The following ST18 variants were observed in gnomAD, a reference collection of about 807,000 sequenced individuals.
ST18 encodes the protein suppression of tumorigenicity 18 protein.
A neutral mutation model predicts 110.0 loss-of-function variants in ST18; 50 were observed. That is an observed-to-expected ratio of 0.45 (90% CI 0.36 to 0.58). ST18 has a LOEUF of 0.58. Ranked by LOEUF, ST18 falls within the 20% of genes least tolerant of loss-of-function variation. The pLI is 0.00. For missense variants in ST18, 1,306 were observed against 1,280.1 expected (o/e 1.02, Z -0.31); for synonymous variants, 461 against 452.4 (o/e 1.02, Z -0.24).
At position 52,172,444 on chromosome 8, in the gene ST18, A is replaced by T. The variant is rs1300359438; in HGVS notation, c.417T>A (p.Asn139Lys). The change falls in exon 10 of 26, where the codon AAT becomes AAA. Residue 139 changes from asparagine to lysine, a missense_variant. Transcript: ENST00000689386. ...TTTCACTTACAGTCTGAACAGATAC[A>T]TTTTTTTCAAATTTCCCCAAGTGCA... ...SLMHLGKFEK[N>K]VSVQTVSENL... 9 of 1,613,570 alleles carry T rather than the reference A, an allele frequency of 5.6e-6. No homozygotes were observed. The highest frequency in any genetic ancestry group is 7.6e-6 in the Non-Finnish European group (9 of 1,180,014).
chr8:52,183,630 G>C (rs768325754), intron 8 of ST18, among the ~76,000 whole-genome samples: 12 of 152,112 alleles, frequency 7.9e-5, no homozygotes, highest in African/African-American at 2.9e-4. Flanking sequence ...CTATATCACA[G>C]GTTTTGTGGA....
intron 17 of ST18, among the ~76,000 whole-genome samples, chr8:52,139,680 G>C (rs5026058): frequency 0.32 from 47,626 of 149,766 alleles, 11,129 homozygotes; most frequent in African/African-American, 0.67. Flanking sequence ...AAATTACTCC[G>C]ATTAATATTG....
intron 2 of ST18, chr8:52,407,330 T>C (rs1291091104): frequency 2.0e-5 from 3 of 152,200 alleles, no homozygotes; most frequent in African/African-American, 2.4e-5. Context: ...TAAAACAATG[T>C]GATATCATTT....
chr8:52,360,137 C>T (rs1825052340), intron 2 of ST18, among the ~76,000 whole-genome samples: 2 of 152,070 alleles, frequency 1.3e-5, no homozygotes, highest in Admixed American at 1.3e-4. Flanking sequence ...TAACTTGCTA[C>T]TTTGTGCCAA....
intron 22 of ST18, 133 bp from the exon 23 acceptor site, chr8:52,126,273 A>G: frequency 1.2e-6 from 1 of 852,446 alleles, no homozygotes; most frequent in Non-Finnish European, 1.8e-6. Context: ...GTCTCTTTGT[A>G]GAGAGTAATG....
chr8:52,394,564 T>G (rs1840447914), intron 2 of ST18, among the ~76,000 whole-genome samples: 1 of 152,212 alleles, frequency 6.6e-6, no homozygotes, highest in African/African-American at 2.4e-5. Context: ...AAGATTTATT[T>G]TTATCCTAGT....
intron 2 of ST18, among the ~76,000 whole-genome samples, chr8:52,389,581 G>C (rs570458454): frequency 6.6e-6 from 1 of 152,180 alleles, no homozygotes; most frequent in Non-Finnish European, 1.5e-5. Flanking sequence ...CAGCGGGGAG[G>C]AACCTGCCTT....
At chr8:52,358,615 C>G (rs569473492) in intron 2 of ST18, among the ~76,000 whole-genome samples, 1 of 151,884 alleles carries the variant, frequency 6.6e-6, no homozygotes, top group East Asian at 1.9e-4. Context: ...GGAAACATTT[C>G]TAGAAACACA....
intron 2 of ST18, among the ~76,000 whole-genome samples, chr8:52,399,355 T>C (rs1245423476): frequency 6.6e-6 from 1 of 151,932 alleles, no homozygotes; most frequent in Non-Finnish European, 1.5e-5. Flanking sequence ...TAGAGGACTA[T>C]TGATTCTGTT....
At chr8:52,263,036 C>T (rs1355902231) in intron 2 of ST18, among the ~76,000 whole-genome samples, 2 of 152,218 alleles carry the variant, frequency 1.3e-5, no homozygotes. Context: ...AGTTGTGCCT[C>T]AGTGCTTCTG....
At chr8:52,305,738 A>G (rs1230526262) in intron 2 of ST18, among the ~76,000 whole-genome samples, 1 of 152,040 alleles carries the variant, frequency 6.6e-6, no homozygotes, top group Non-Finnish European at 1.5e-5. Flanking sequence ...CCTTCACAAT[A>G]TCTCCAGATA....
intron 7 of ST18, among the ~76,000 whole-genome samples, chr8:52,212,381 T>A (rs2082503221): frequency 6.6e-6 from 1 of 152,162 alleles, no homozygotes; most frequent in African/African-American, 2.4e-5. Context: ...TCATTGAAAA[T>A]TCACAGGAGC....
intron 10 of ST18, among the ~76,000 whole-genome samples, chr8:52,168,916 G>A (rs1471761649): frequency 6.6e-6 from 1 of 152,136 alleles, no homozygotes; most frequent in Non-Finnish European, 1.5e-5. Flanking sequence ...TAGAAAAAAA[G>A]GAGAAGAGCA....
rs545477247 is a variant in ST18, at chr8:52,180,524, A to T, written c.87-212T>A. On this transcript the variant is annotated intron_variant, in intron 8 of 25. Transcript: ENST00000689386. ...GCTTATCAGAAGAATTTTTTTTTTTAAATCATCCTTAATCCTGAGTAAGCA... is the reference window on the plus strand; with the variant it reads ...GCTTATCAGAAGAATTTTTTTTTTTTAATCATCCTTAATCCTGAGTAAGCA... Among the ~76,000 whole-genome samples, 6 of 151,500 alleles carry T rather than the reference A, an allele frequency of 4.0e-5. No homozygotes were observed. The East Asian group carries it at 1.2e-3, about 29-fold the overall frequency.
chr8:52,313,854 C>G lies in ST18; in HGVS notation c.-464-83777G>C, dbSNP rs1193942996. Among the ~76,000 whole-genome samples, 3 of 152,282 alleles carry G rather than the reference C, an allele frequency of 2.0e-5. No individual in the cohort carries two copies. The East Asian group carries it at 5.8e-4, about 29-fold the overall frequency. On this transcript the variant is annotated intron_variant, in intron 2 of 25. Coordinates refer to ENST00000689386, the MANE Select transcript of ST18 (RefSeq NM_001352837.2). ...ACAAGCTCAGTCCTGGCAACTTCTG[C>G]CCAGAGAGAGAGGCCACTGGGATCC...
At chr8:52,351,631 G>A (rs1443897775) in intron 2 of ST18, among the ~76,000 whole-genome samples, 2 of 152,122 alleles carry the variant, frequency 1.3e-5, no homozygotes, top group Admixed American at 6.5e-5. Context: ...CTGTCAAGTC[G>A]AACTAATGTT....
chr8:52,185,469 A>ATGT (rs2071693057), intron 8 of ST18, among the ~76,000 whole-genome samples: 1 of 152,210 alleles, frequency 6.6e-6, no homozygotes, highest in African/African-American at 2.4e-5. Context: ...AGCAAAGACA[A>ATGT]TGTTGGAAAA....
chr8:52,324,621 C>G (rs1446458294), intron 2 of ST18, among the ~76,000 whole-genome samples: 2 of 152,172 alleles, frequency 1.3e-5, no homozygotes, highest in Non-Finnish European at 2.9e-5. Context: ...TTACTCTATG[C>G]CGGGTAGCAT....
chr8:52,172,835 A>G (rs1477724739), intron 9 of ST18, among the ~76,000 whole-genome samples: 1 of 152,196 alleles, frequency 6.6e-6, no homozygotes, highest in Non-Finnish European at 1.5e-5. Context: ...TGTTAAAAGA[A>G]ATGAGCTATT....
Sources: gnomAD v4.1 joint callset for allele counts (sites outside exome capture counted in the v4.1 genomes callset) on GRCh38, gnomAD v4.1.1 for gene constraint, MANE v1.5 for transcripts, NCBI Gene and HGNC (gene_info 2026-07-23, HGNC 2026-07-21) for gene names.